MMP11: variants seen among roughly 807,000 people sequenced by gnomAD.
MMP11 encodes matrix metallopeptidase 11, also known as stromelysin-3.
MMP11 carries 26 observed loss-of-function variants against 49.5 expected under a neutral mutation model. That is an observed-to-expected ratio of 0.52 (90% confidence interval 0.38 to 0.73). The LOEUF (loss-of-function observed/expected upper bound fraction) is 0.73, where lower values mean the gene tolerates loss of function less well. MMP11 is among the 30% of genes least tolerant of loss of function. MMP11 has a pLI of 0.00. For synonymous variants in MMP11, 265 were observed against 282.3 expected, an observed-to-expected ratio of 0.94 and a Z score of 0.62; for missense variants, 624 against 671.2, an observed-to-expected ratio of 0.93 and a Z score of 0.78.
At chr22:23,783,341 G>A in intron 7 of MMP11, 70 bp from the exon 8 acceptor site, 1 of 1,592,440 alleles carries the variant, frequency 6.3e-7, no homozygotes, top group Non-Finnish European at 8.6e-7. Context: ...CCCATCCCTG[G>A]GCACAGCCTG....
intron 1 of MMP11, among the ~76,000 whole-genome samples, chr22:23,778,572 G>A (rs1312626485): frequency 6.6e-6 from 1 of 152,198 alleles, no homozygotes; most frequent in Non-Finnish European, 1.5e-5. Flanking sequence ...GCTAGGTGCT[G>A]TACATACCTC....
intron 7 of MMP11, 108 bp from the exon 8 acceptor site, chr22:23,783,303 G>A (rs1927709535): frequency 7.2e-7 from 1 of 1,395,450 alleles, no homozygotes; most frequent in Non-Finnish European, 9.9e-7. Flanking sequence ...CAGTGGCCAA[G>A]GGCTTCCCAC....
At position 23,779,464 on chromosome 22, in the gene MMP11, G is replaced by A. The variant is rs762474679; in HGVS notation, c.338+48G>A. The stretch of plus-strand genomic sequence containing the variant: ...CTAGGATGCCACCTGTGTGTCCGTG[G>A]GTAAGCCAGCTGCCCTCACAGCTGC... On this transcript the variant is annotated intron_variant, in intron 2 of 7. Transcript: ENST00000215743. 23 of 1,510,768 alleles carry A rather than the reference G, an allele frequency of 1.5e-5. No homozygotes were observed. In the South Asian group the frequency reaches 2.8e-4, roughly 18 times the overall value. The allele number at this position is 1,510,768 out of a possible 1,614,324, so 93.6% of individuals were successfully genotyped here.
At chr22:23,775,134 G>A (rs1354707389) in intron 1 of MMP11, among the ~76,000 whole-genome samples, 10 of 152,188 alleles carry the variant, frequency 6.6e-5, no homozygotes, top group Admixed American at 6.5e-4. Flanking sequence ...AAAGCCAAGA[G>A]CTGGGGAGAC....
intron 5 of MMP11, 40 bp from the exon 6 acceptor site, chr22:23,781,153 A>G: frequency 6.2e-7 from 1 of 1,608,014 alleles, no homozygotes; most frequent in South Asian, 1.1e-5. Flanking sequence ...CTGTGACTGC[A>G]GCATATGCCC....
rs1927593547 is a variant in MMP11, at chr22:23,780,840, A to G, written c.617-19A>G. 6.2e-7 allele frequency: 1 copy of G among 1,606,782 alleles called. No homozygotes were observed. Among genetic ancestry groups the G allele is most frequent in the Admixed American group, 1.7e-5 (1 of 59,664 alleles). ...TGGGCAGGAGGTTCGGGGGTTGCTG[A>G]GCCACCTCCCTTTTTCAGGCACAGA... On this transcript the variant is annotated intron_variant, in intron 4 of 7. Transcript: ENST00000215743. The surrounding 1 kb of genome is among the most constrained non-coding windows in gnomAD (Gnocchi z 4.6).
In MMP11 at chr22:23,780,169, A is replaced by T; in HGVS notation, c.339-190A>T. ...TTCAGACACTTGTATTTGCCTAAGT[A>T]TGAGCAAACCACATACACATGTGCC... On this transcript the variant is annotated intron_variant, in intron 2 of 7. Coordinates refer to ENST00000215743, the MANE Select transcript of MMP11 (RefSeq NM_005940.5). This position sits in a 1 kb window ranked among gnomAD's most constrained non-coding sequence, Gnocchi z 4.6. 1 of 664,714 alleles carries T rather than the reference A, an allele frequency of 1.5e-6. No homozygotes were observed. The highest frequency in any genetic ancestry group is 2.5e-6 in the Non-Finnish European group (1 of 393,998). The allele number at this position is 664,714 out of a possible 1,614,324, so 41.2% of individuals were successfully genotyped here.
In MMP11 at chr22:23,780,312, G is replaced by A. The variant is rs9612427; in HGVS notation, c.339-47G>A. On this transcript the variant is annotated intron_variant, in intron 2 of 7. Coordinates refer to ENST00000215743, the MANE Select transcript of MMP11 (RefSeq NM_005940.5). This position sits in a 1 kb window ranked among gnomAD's most constrained non-coding sequence, Gnocchi z 4.6. ...GGCAACTCCTGGTGCCTCAGCCATC[G>A]GGGGCTGTCCCTTCCCTGAGGCCCA... 0.47 allele frequency: 764,247 copies of A among 1,609,728 alleles called. 187,927 individuals carry two copies. Among genetic ancestry groups the A allele is most frequent in the Admixed American group, 0.53 (31,669 of 59,836 alleles).
chr22:23,775,392 A>G (rs2145936964), intron 1 of MMP11, among the ~76,000 whole-genome samples: 1 of 152,352 alleles, frequency 6.6e-6, no homozygotes, highest in Non-Finnish European at 1.5e-5. Context: ...CTGTCTCACA[A>G]GTAGCAAGCT....
At chr22:23,782,664 G>A (rs1927683216) in intron 7 of MMP11, 181 bp downstream of exon 7, 2 of 733,330 alleles carry the variant, frequency 2.7e-6, no homozygotes, top group African/African-American at 1.8e-5. Flanking sequence ...TATTGCAGAT[G>A]AGGAAACTGA....
At chr22:23,776,581 C>T (rs1927418047) in intron 1 of MMP11, among the ~76,000 whole-genome samples, 2 of 152,200 alleles carry the variant, frequency 1.3e-5, no homozygotes, top group African/African-American at 4.8e-5. Flanking sequence ...GTAACTCAAC[C>T]CCTGCAGAGC....
intron 1 of MMP11, among the ~76,000 whole-genome samples, chr22:23,778,615 C>T (rs1482687793): frequency 6.6e-6 from 1 of 152,210 alleles, no homozygotes; most frequent in Non-Finnish European, 1.5e-5. Context: ...GTGTCACCCC[C>T]AGCAGTCAGG....
At chr22:23,779,685 G>C in intron 2 of MMP11, 1 of 533,878 alleles carries the variant, frequency 1.9e-6, no homozygotes, top group East Asian at 3.1e-5. Flanking sequence ...GCGGACGGGT[G>C]TTCAGTCACT....
rs1239719554 is a variant in MMP11, at chr22:23,781,364, G to C, written c.1030G>C (p.Asp344His). Residue 344 changes from aspartate to histidine, a missense_variant, in exon 6 of 8, where the codon GAC becomes CAC. Transcript: ENST00000215743. ...RHWQGLPSPVDAAFEDAQGHI... is the reference protein window; with the variant it reads ...RHWQGLPSPVHAAFEDAQGHI... ...CTGGCAGGGACTGCCCAGCCCTGTG[G>C]ACGCTGCCTTCGAGGATGCCCAGGG... The C allele has an allele frequency of 6.2e-7, 1 of 1,613,190 alleles. No homozygotes were observed. Among genetic ancestry groups the C allele is most frequent in the Non-Finnish European group, 8.5e-7 (1 of 1,179,692 alleles).
Position 23,781,107 on chromosome 22 carries a change from C to T in MMP11, c.858+7C>T. On this transcript the variant is annotated splice_region_variant and intron_variant, in intron 5 of 7. Transcript: ENST00000215743. ...TGAGATTGCACCGCTGGAGGTGAGG[C>T]CCTGCCTGCCAGTCCCCCTACTCCT... 6.2e-7 allele frequency: 1 copy of T among 1,606,516 alleles called. No homozygotes were observed. The highest frequency in any genetic ancestry group is 8.5e-7 in the Non-Finnish European group (1 of 1,179,098).
chr22:23,781,492 C>G (rs563838510), intron 6 of MMP11, 83 bp downstream of exon 6: 2 of 1,300,000 alleles, frequency 1.5e-6, no homozygotes, highest in Non-Finnish European at 2.1e-6. Flanking sequence ...ACAGATGGAT[C>G]CTTAGGGACA....
intron 1 of MMP11, among the ~76,000 whole-genome samples, chr22:23,773,209 C>A (rs1927296372): frequency 6.6e-6 from 1 of 152,164 alleles, no homozygotes; most frequent in Non-Finnish European, 1.5e-5. Flanking sequence ...CGGGACTCCA[C>A]GCTGGACTCA....
intron 1 of MMP11, among the ~76,000 whole-genome samples, chr22:23,774,948 G>C (rs1927359826): frequency 6.6e-6 from 1 of 152,186 alleles, no homozygotes; most frequent in African/African-American, 2.4e-5. Flanking sequence ...CAGGACACTG[G>C]GTCAGCTGAG....
rs1210403643 is a variant in MMP11, at chr22:23,780,104, G to A, written c.339-255G>A. The A allele has an allele frequency of 3.1e-5, 17 of 554,482 alleles. No individual in the cohort carries two copies. Among genetic ancestry groups the A allele is most frequent in the Non-Finnish European group, 4.8e-5 (15 of 309,850 alleles). 34.3% of individuals were successfully genotyped at this position (554,482 alleles called of 1,614,324 possible). On this transcript the variant is annotated intron_variant, in intron 2 of 7. Transcript: ENST00000215743. This position sits in a 1 kb window ranked among gnomAD's most constrained non-coding sequence, Gnocchi z 4.6. ...TAAGTGGCACTGTCAGGTCTAGGAT[G>A]GGGGTCTCGGGACCCCTGGTCCTGG...
Sources: gnomAD v4.1 joint callset for allele counts (sites outside exome capture counted in the v4.1 genomes callset) on GRCh38, gnomAD v4.1.1 for gene constraint, Gnocchi (gnomAD v3.1) non-coding constraint, MANE v1.5 for transcripts, NCBI Gene and HGNC (gene_info 2026-07-23, HGNC 2026-07-21) for gene names.